The following FBXL7 variants were observed in gnomAD, a reference collection of about 807,000 sequenced individuals.
FBXL7 encodes F-box and leucine rich repeat protein 7, also known as F-box/LRR-repeat protein 7.
FBXL7 carries 12 observed loss-of-function variants against 38.3 expected under a neutral mutation model. The ratio of observed to expected loss-of-function variants is 0.31; its 90% confidence interval spans 0.20 to 0.51. The LOEUF (loss-of-function observed/expected upper bound fraction) is 0.51. Among genes scored for constraint, FBXL7 ranks in the 20% least tolerant of loss-of-function variants. The pLI, the probability that FBXL7 is intolerant of heterozygous loss-of-function variation, is 0.98. For missense variants in FBXL7, 567 were observed against 676.4 expected, an observed-to-expected ratio of 0.84 and a Z score of 1.79; for synonymous variants, 297 against 300.9, an observed-to-expected ratio of 0.99 and a Z score of 0.13.
chr5:15,500,759 C>T (rs1056732054), intron 1 of FBXL7, 46 bp downstream of exon 1: 28 of 1,592,156 alleles, frequency 1.8e-5, no homozygotes, highest in African/African-American at 1.1e-4. Context: ...CGTCCCTCCT[C>T]CCCTTTCCCT....
intron 1 of FBXL7, among the ~76,000 whole-genome samples, chr5:15,538,052 G>A (rs1339452326): frequency 6.6e-6 from 1 of 152,204 alleles, no homozygotes; most frequent in African/African-American, 2.4e-5. Flanking sequence ...AGTCAAATCA[G>A]ATCTCTTCTG....
At chr5:15,721,412 C>T (rs1452716881) in intron 2 of FBXL7, among the ~76,000 whole-genome samples, 1 of 152,024 alleles carries the variant, frequency 6.6e-6, no homozygotes, top group Middle Eastern at 3.2e-3. Context: ...GTGGGAAGTG[C>T]CCTGCCAAAA....
chr5:15,720,913 A>G (rs116547967), intron 2 of FBXL7, among the ~76,000 whole-genome samples: 1 of 152,050 alleles, frequency 6.6e-6, no homozygotes, highest in Non-Finnish European at 1.5e-5. Flanking sequence ...TTAAGATAGA[A>G]ATATGTTTGA....
intron 2 of FBXL7, among the ~76,000 whole-genome samples, chr5:15,921,266 G>A (rs989466742): frequency 6.6e-6 from 1 of 151,408 alleles, no homozygotes; most frequent in Non-Finnish European, 1.5e-5. Flanking sequence ...CTGTAGTCCC[G>A]GCTGCTCAGG....
intron 2 of FBXL7, among the ~76,000 whole-genome samples, chr5:15,889,685 C>G (rs1184304363): frequency 2.0e-5 from 3 of 152,144 alleles, no homozygotes; most frequent in Admixed American, 2.0e-4. Flanking sequence ...ATCCAGGTAT[C>G]AGTGTTGTTC....
At position 15,900,256 on chromosome 5, in the gene FBXL7, A is replaced by G. The variant is rs58700467; in HGVS notation, c.128-27634A>G. On this transcript the variant is annotated intron_variant, in intron 2 of 3. Coordinates refer to ENST00000504595, the MANE Select transcript of FBXL7 (RefSeq NM_012304.5). ...ACAGCATCTCTAAAAACAAAAGTCC[A>G]TTATTAGGGTAAGAAAAAGGAAGTC... 6.9e-3 allele frequency among the ~76,000 whole-genome samples: 1,050 copies of G among 152,330 alleles called. 18 individuals are homozygous for G. Among genetic ancestry groups the G allele is most frequent in the African/African-American group, 0.024 (996 of 41,556 alleles).
At chr5:15,693,940 G>A (rs569042756) in intron 2 of FBXL7, among the ~76,000 whole-genome samples, 7 of 152,212 alleles carry the variant, frequency 4.6e-5, no homozygotes, top group East Asian at 3.9e-4. Flanking sequence ...CAATTTTTCC[G>A]GTACACTAGG....
intron 1 of FBXL7, among the ~76,000 whole-genome samples, chr5:15,574,321 T>G (rs1219085903): frequency 6.6e-6 from 1 of 152,338 alleles, no homozygotes; most frequent in Admixed American, 6.5e-5. Flanking sequence ...GAAATGCTTA[T>G]TAAGCAATAA....
chr5:15,916,866 T>C (rs1741597136), intron 2 of FBXL7, among the ~76,000 whole-genome samples: 1 of 152,218 alleles, frequency 6.6e-6, no homozygotes, highest in African/African-American at 2.4e-5. Flanking sequence ...GAATCCAGAA[T>C]AATATGCCTC....
chr5:15,812,127 C>T (rs1294420605), intron 2 of FBXL7, among the ~76,000 whole-genome samples: 1 of 152,064 alleles, frequency 6.6e-6, no homozygotes, highest in Non-Finnish European at 1.5e-5. Context: ...GAAAATGTGG[C>T]ACATATACAC....
At chr5:15,811,605 C>G (rs1737862235) in intron 2 of FBXL7, among the ~76,000 whole-genome samples, 1 of 151,940 alleles carries the variant, frequency 6.6e-6, no homozygotes, top group African/African-American at 2.4e-5. Context: ...GGGTACAATT[C>G]AGCCAATAAC....
intron 2 of FBXL7, among the ~76,000 whole-genome samples, chr5:15,805,669 A>G (rs1737691600): frequency 1.3e-5 from 2 of 152,172 alleles, no homozygotes; most frequent in Admixed American, 6.5e-5. Flanking sequence ...AGGTCACTGA[A>G]TTTCAAGCCT....
intron 1 of FBXL7, among the ~76,000 whole-genome samples, chr5:15,547,189 A>T (rs1737936997): frequency 6.6e-6 from 1 of 152,218 alleles, no homozygotes; most frequent in South Asian, 2.1e-4. Flanking sequence ...GCTCCTTCCC[A>T]GGAAGTTTGC....
intron 2 of FBXL7, among the ~76,000 whole-genome samples, chr5:15,646,924 G>A (rs1741549159): frequency 6.6e-6 from 1 of 152,130 alleles, no homozygotes; most frequent in Non-Finnish European, 1.5e-5. Context: ...AAGTAGACTG[G>A]CCAGAGATAA....
chr5:15,643,828 A>G (rs1183523544), intron 2 of FBXL7, among the ~76,000 whole-genome samples: 1 of 152,220 alleles, frequency 6.6e-6, no homozygotes, highest in African/African-American at 2.4e-5. Flanking sequence ...TCTTGGCTGT[A>G]GAGGTGGCTC....
At chr5:15,921,825 A>G (rs1437971450) in intron 2 of FBXL7, among the ~76,000 whole-genome samples, 1 of 152,242 alleles carries the variant, frequency 6.6e-6, no homozygotes, top group South Asian at 2.1e-4. Flanking sequence ...GAGATCTGTT[A>G]TCAAAAAGAC....
At chr5:15,853,837 A>T (rs1482766172) in intron 2 of FBXL7, among the ~76,000 whole-genome samples, 1 of 152,230 alleles carries the variant, frequency 6.6e-6, no homozygotes, top group Admixed American at 6.5e-5. Context: ...TAGAAAAATC[A>T]GTGCAGTAGC....
chr5:15,897,394 T>C (rs1328087385), intron 2 of FBXL7, among the ~76,000 whole-genome samples: 1 of 152,222 alleles, frequency 6.6e-6, no homozygotes, highest in African/African-American at 2.4e-5. Context: ...AAAATAGTTT[T>C]GAACAGGATC....
At chr5:15,740,702 T>C (rs1257233857) in intron 2 of FBXL7, among the ~76,000 whole-genome samples, 1 of 152,158 alleles carries the variant, frequency 6.6e-6, no homozygotes, top group Non-Finnish European at 1.5e-5. Context: ...AAAAAATGGA[T>C]TTGAGCTGGC....
Sources: gnomAD v4.1 joint callset for allele counts (sites outside exome capture counted in the v4.1 genomes callset) on GRCh38, gnomAD v4.1.1 for gene constraint, MANE v1.5 for transcripts, NCBI Gene and HGNC (gene_info 2026-07-23, HGNC 2026-07-21) for gene names.